GAREM2: variants seen among roughly 807,000 people sequenced by gnomAD.
GAREM2 encodes GRB2-associated and regulator of MAPK protein 2.
A neutral mutation model predicts 55.6 loss-of-function variants in GAREM2; 30 were observed. The observed-to-expected ratio is 0.54, with a 90% CI of 0.40 to 0.73. The LOEUF (loss-of-function observed/expected upper bound fraction) is 0.73, where lower values mean the gene tolerates loss of function less well. GAREM2 is among the 30% of genes least tolerant of loss of function. The probability of loss-of-function intolerance (pLI) is 0.00; values close to 1 mark genes in which losing one functional copy is unlikely to be tolerated. For synonymous variants in GAREM2, 550 were observed against 569.1 expected (o/e 0.97, Z 0.48); for missense variants, 1,075 against 1,257.7 (o/e 0.85, Z 2.20).
chr2:26,181,472 T>A (rs1669049836), intron 2 of GAREM2: 1 of 152,348 alleles, frequency 6.6e-6, no homozygotes, highest in East Asian at 1.9e-4. Context: ...TTGTCACAAG[T>A]CTGTTGTAGC....
At chr2:26,195,458 T>C in the GAREM2 span, among the ~76,000 whole-genome samples, 1 of 152,114 alleles carries the variant, frequency 6.6e-6, no homozygotes, top group African/African-American at 2.4e-5. Flanking sequence ...GGTTTTTCAC[T>C]ACAGACATCT....
chr2:26,186,696 C>T (rs1669270171), intron 5 of GAREM2, among the ~76,000 whole-genome samples: 1 of 152,184 alleles, frequency 6.6e-6, no homozygotes, highest in Non-Finnish European at 1.5e-5. Flanking sequence ...TAAGTTCAGG[C>T]CAGGTGCGGT....
Position 26,174,975 on chromosome 2 carries a change from G to T in GAREM2, c.113-1369G>T, listed in dbSNP as rs114162048. Among the ~76,000 whole-genome samples, 511 of 152,160 alleles carry T rather than the reference G, an allele frequency of 3.4e-3. 6 individuals are homozygous for T. Among genetic ancestry groups the T allele is most frequent in the African/African-American group, 0.012 (482 of 41,510 alleles). ...TTGGAGGAGAGCTTCTTGGGCCCCC[G>T]GAGGTGAGGAGGTACAGGGGAAAGC... On this transcript the variant is annotated intron_variant, in intron 1 of 5. Coordinates refer to ENST00000401533, the MANE Select transcript of GAREM2 (RefSeq NM_001168241.2).
At chr2:26,193,878 G>A, downstream of GAREM2, 1 of 858,656 alleles carries the variant, frequency 1.2e-6, no homozygotes, top group Non-Finnish European at 2.0e-6. Flanking sequence ...ACCCACTTCT[G>A]AGTGTCACCT....
At chr2:26,194,374 G>T (rs1435323658), downstream of GAREM2, among the ~76,000 whole-genome samples, 1 of 152,152 alleles carries the variant, frequency 6.6e-6, no homozygotes, top group African/African-American at 2.4e-5. Context: ...GGGGCAGAGG[G>T]AAAGCTCTGC....
chr2:26,180,906 C>G (rs1299229003), intron 2 of GAREM2: 1 of 985,334 alleles, frequency 1.0e-6, no homozygotes, highest in Non-Finnish European at 1.2e-6. Context: ...CGTGAGCCAC[C>G]GTGCCTGGCC....
At chr2:26,190,575 A>C (rs563402458), downstream of GAREM2, 3 of 155,450 alleles carry the variant, frequency 1.9e-5, no homozygotes, top group African/African-American at 7.2e-5. Context: ...CCATCCCAAG[A>C]AGCACCTATG....
chr2:26,203,465 T>A, the GAREM2 span, among the ~76,000 whole-genome samples: 1 of 152,164 alleles, frequency 6.6e-6, no homozygotes, highest in South Asian at 2.1e-4. Flanking sequence ...GGAAGGGGAA[T>A]AATATTCCCC....
chr2:26,195,880 C>T, the GAREM2 span, among the ~76,000 whole-genome samples: 1 of 152,134 alleles, frequency 6.6e-6, no homozygotes, highest in Non-Finnish European at 1.5e-5. Flanking sequence ...TTTAATAATC[C>T]CTCCTGGTGA....
At chr2:26,182,391 G>T in intron 2 of GAREM2, 1 of 1,547,180 alleles carries the variant, frequency 6.5e-7, no homozygotes, top group South Asian at 1.2e-5. Context: ...GGGTCAGAGT[G>T]GTTCTCCCAG....
downstream of GAREM2, chr2:26,192,320 T>A: frequency 6.4e-7 from 1 of 1,566,624 alleles, no homozygotes; most frequent in Non-Finnish European, 8.8e-7. Flanking sequence ...ACTTCAGACT[T>A]AGGAGGCAGC....
In GAREM2 at chr2:26,188,663, A is replaced by G. The variant is rs759857240; in HGVS notation, c.*406A>G. On this transcript the variant is annotated 3_prime_UTR_variant, in exon 6 of 6. Coordinates refer to ENST00000401533, the MANE Select transcript of GAREM2 (RefSeq NM_001168241.2). ...TTTAGAGACAAGAAGATGGCTGGTA[A>G]TTTAAGCACCGATTTCCCAAGTGCC... 1.8e-5 allele frequency: 3 copies of G among 166,294 alleles called. No homozygotes were observed. Among genetic ancestry groups the G allele is most frequent in the Non-Finnish European group, 3.9e-5 (3 of 77,872 alleles). The allele number at this position is 166,294 out of a possible 1,614,324, so 10.3% of individuals were successfully genotyped here.
chr2:26,179,887 T>G lies in GAREM2; in HGVS notation c.254-3080T>G, dbSNP rs1668987024. ...GTCGCCCCACAGGGGGCAGTGGGCA[T>G]TGCTCCCTGCCTGGCTACTTGTGGT... On this transcript the variant is annotated intron_variant, in intron 2 of 5. Coordinates refer to ENST00000401533, the MANE Select transcript of GAREM2 (RefSeq NM_001168241.2). The surrounding 1 kb of genome is among the most constrained non-coding windows in gnomAD (Gnocchi z 4.7). 6.6e-6 allele frequency among the ~76,000 whole-genome samples: 1 copy of G among 151,940 alleles called. No individual in the cohort carries two copies. Among genetic ancestry groups the G allele is most frequent in the Admixed American group, 6.5e-5 (1 of 15,278 alleles).
Position 26,188,913 on chromosome 2 carries a change from C to A in GAREM2, c.*656C>A, listed in dbSNP as rs1306979388. ...TTCATGGGTGACAACTTTGGAAGAG[C>A]ACAGCTCTGCAATTGACCCGACCCA... On this transcript the variant is annotated 3_prime_UTR_variant, in exon 6 of 6. Coordinates refer to ENST00000401533, the MANE Select transcript of GAREM2 (RefSeq NM_001168241.2). 6.6e-6 allele frequency: 1 copy of A among 152,308 alleles called. No individual in the cohort carries two copies. The highest frequency in any genetic ancestry group is 1.5e-5 in the Non-Finnish European group (1 of 68,118). 9.4% of individuals were successfully genotyped at this position (152,308 alleles called of 1,614,324 possible).
chr2:26,197,978 C>T, the GAREM2 span, among the ~76,000 whole-genome samples: 1 of 152,100 alleles, frequency 6.6e-6, no homozygotes, highest in African/African-American at 2.4e-5. Context: ...GTTCCTTTTC[C>T]CATTCTGCCT....
At chr2:26,191,135 A>AGT, downstream of GAREM2, 1 of 1,041,144 alleles carries the variant, frequency 9.6e-7, no homozygotes, top group Non-Finnish European at 1.5e-6. Flanking sequence ...GAGCAAACCC[A>AGT]GTGCCGGAGT....
Position 26,183,084 on chromosome 2 carries a change from C to T in GAREM2, c.371C>T (p.Thr124Ile). ...PDRIFVMEAI[T>I]FSVKVVSGEF... is the part of the protein sequence containing the mutation. ...CGCATCTTCGTGATGGAAGCCATCA[C>T]CTTCAGCGTCAAGGTCAGTCACTCC... The change falls in exon 3 of 6, where the codon ACC becomes ATC. Residue 124 changes from threonine to isoleucine, a missense_variant. By Grantham distance (89) the Thr-to-Ile change is moderately conservative. Coordinates refer to ENST00000401533, the MANE Select transcript of GAREM2 (RefSeq NM_001168241.2). 6.4e-7 allele frequency: 1 copy of T among 1,551,706 alleles called. No homozygotes were observed. The highest frequency in any genetic ancestry group is 2.4e-5 in the East Asian group (1 of 40,920).
the GAREM2 span, chr2:26,203,952 C>T: frequency 7.7e-5 from 82 of 1,064,980 alleles, no homozygotes; most frequent in Middle Eastern, 3.0e-4. Context: ...AAAAGGAATC[C>T]GTGATGGCAA....
At chr2:26,193,501 G>A (rs745669641), downstream of GAREM2, 13 of 1,218,564 alleles carry the variant, frequency 1.1e-5, no homozygotes, top group African/African-American at 1.5e-5. Context: ...GAGGGCTTCT[G>A]TAACTCTTTG....
Sources: allele counts gnomAD v4.1 joint callset (sites outside exome capture counted in the v4.1 genomes callset), GRCh38; gene constraint gnomAD v4.1.1; non-coding constraint Gnocchi (gnomAD v3.1); transcripts MANE v1.5; gene names NCBI Gene and HGNC (gene_info 2026-07-23, HGNC 2026-07-21).